TMEM260: variants seen among roughly 807,000 people sequenced by gnomAD.
The protein encoded by TMEM260 is protein O-mannosyl-transferase TMEM260.
In TMEM260, 82 loss-of-function variants were observed where a neutral mutation model predicts 88.9. That is an observed-to-expected ratio of 0.92 (90% confidence interval 0.77 to 1.11). The LOEUF (loss-of-function observed/expected upper bound fraction) is 1.11, where lower values mean the gene tolerates loss of function less well. Ranked by LOEUF, TMEM260 falls within the 50% of genes least tolerant of loss-of-function variation. The probability of loss-of-function intolerance (pLI) is 0.00; values close to 1 mark genes in which losing one functional copy is unlikely to be tolerated. For synonymous variants in TMEM260, 314 were observed against 309.3 expected (o/e 1.02, Z -0.16); for missense variants, 902 against 853.4 (o/e 1.06, Z -0.71).
rs200822110 is a variant in TMEM260, at chr14:56,585,849, T to C, written c.281T>C (p.Val94Ala). The C allele has an allele frequency of 5.6e-6, 9 of 1,613,772 alleles. No individual in the cohort carries two copies. In the Admixed American group the frequency reaches 1.2e-4, roughly 21 times the overall value. ...CCTTTTGGTTCAATTGCCTACCGCGTCAATCTTCTCTGTGGCTTATTTGGA... is the reference window on the plus strand; with the variant it reads ...CCTTTTGGTTCAATTGCCTACCGCGCCAATCTTCTCTGTGGCTTATTTGGA... ...LFPFGSIAYR[V>A]NLLCGLFGAV... is the part of the protein sequence containing the mutation. The change falls in exon 3 of 16, where the codon GTC becomes GCC. Residue 94 changes from valine to alanine, a missense_variant. Coordinates refer to ENST00000261556, the MANE Select transcript of TMEM260 (RefSeq NM_017799.4).
intron 3 of TMEM260, among the ~76,000 whole-genome samples, chr14:56,600,554 A>T (rs1246798648): frequency 6.6e-6 from 1 of 152,194 alleles, no homozygotes; most frequent in African/African-American, 2.4e-5. Flanking sequence ...GGAGATACAC[A>T]AATGGCCAAT....
chr14:56,659,985 T>C, the TMEM260 span, among the ~76,000 whole-genome samples: 1 of 152,194 alleles, frequency 6.6e-6, no homozygotes, highest in Non-Finnish European at 1.5e-5. Flanking sequence ...CAAAATATTT[T>C]ACCAAAGGTA....
chr14:56,618,508 T>C, intron 9 of TMEM260, 86 bp from the exon 10 acceptor site: 1 of 1,263,476 alleles, frequency 7.9e-7, no homozygotes, highest in Admixed American at 2.0e-5. Context: ...ACTAGGTGCA[T>C]GCAGCATATT....
At chr14:56,604,750 A>C (rs1207299438) in intron 4 of TMEM260, among the ~76,000 whole-genome samples, 1 of 152,188 alleles carries the variant, frequency 6.6e-6, no homozygotes, top group African/African-American at 2.4e-5. Flanking sequence ...GGACAACTGC[A>C]ATGGGGTTTT....
chr14:56,648,937 A>C lies in TMEM260; in HGVS notation c.*1440A>C, dbSNP rs1184084862. ...ATTTGCCCCTTGTCAGCTGCCAGTA[A>C]ATAAATCTCAAAGGGGGAAAAGCTG... On this transcript the variant is annotated 3_prime_UTR_variant, in exon 16 of 16. Transcript: ENST00000261556. 1 of 152,608 alleles carries C rather than the reference A, an allele frequency of 6.6e-6. No individual in the cohort carries two copies. The highest frequency in any genetic ancestry group is 1.5e-5 in the Non-Finnish European group (1 of 68,054). 9.5% of individuals were successfully genotyped at this position (152,608 alleles called of 1,614,324 possible). A position where few individuals can be genotyped will look rare whatever the true frequency, so the allele number is the denominator to read the frequency against.
At chr14:56,581,919 T>A (rs1885163629) in intron 1 of TMEM260, among the ~76,000 whole-genome samples, 1 of 152,230 alleles carries the variant, frequency 6.6e-6, no homozygotes, top group East Asian at 1.9e-4. Flanking sequence ...GATTATTGCC[T>A]TGCCTTTATT....
rs780189036 is a variant in TMEM260 at position 56,632,436 on chromosome 14, C to T, written c.1548-559C>T. 5.3e-5 allele frequency among the ~76,000 whole-genome samples: 8 copies of T among 152,100 alleles called. No individual in the cohort carries two copies. The East Asian group carries it at 5.8e-4, about 11-fold the overall frequency. On this transcript the variant is annotated intron_variant, in intron 12 of 15. Coordinates refer to ENST00000261556, the MANE Select transcript of TMEM260 (RefSeq NM_017799.4). ...ACTACTATCACTATGCTGCTGCCTC[C>T]GCTAATGCCACGATGTTGCCTGGCA...
the TMEM260 span, among the ~76,000 whole-genome samples, chr14:56,656,400 A>G: frequency 6.8e-6 from 1 of 146,050 alleles, no homozygotes; most frequent in Non-Finnish European, 1.5e-5. Context: ...GCCTGGGGCA[A>G]TATAGTGAGA....
chr14:56,605,634 ATG>A lies in TMEM260; in HGVS notation c.589_590del (p.Val197PhefsTer46), dbSNP rs1566543046. The A allele has an allele frequency of 6.3e-7, 1 of 1,596,536 alleles. No homozygotes were observed. Among genetic ancestry groups the A allele is most frequent in the Admixed American group, 1.8e-5 (1 of 57,120 alleles). On this transcript the variant is annotated frameshift_variant, in exon 5 of 16. Transcript: ENST00000261556. LOFTEE classifies it high-confidence loss of function. ...TGTAACCAGCACACAATAATACTCTATGTTTTGTGCATAATACCTTGGATTCT... is the reference window on the plus strand; with the variant it reads ...TGTAACCAGCACACAATAATACTCTATTTTGTGCATAATACCTTGGATTCT...
chr14:56,604,414 T>C (rs1886767765), intron 4 of TMEM260, among the ~76,000 whole-genome samples: 1 of 152,134 alleles, frequency 6.6e-6, no homozygotes, highest in Non-Finnish European at 1.5e-5. Flanking sequence ...AAAAGAAGAG[T>C]ATCAAATGTA....
intron 15 of TMEM260, among the ~76,000 whole-genome samples, chr14:56,644,288 G>A (rs1889806654): frequency 6.6e-6 from 1 of 152,122 alleles, no homozygotes; most frequent in South Asian, 2.1e-4. Flanking sequence ...AAAACAGCAT[G>A]GTACTGGTAC....
At chr14:56,593,538 C>G (rs188733524) in intron 3 of TMEM260, among the ~76,000 whole-genome samples, 52 of 151,910 alleles carry the variant, frequency 3.4e-4, no homozygotes, top group African/African-American at 1.2e-3. Flanking sequence ...ACAAAATGTA[C>G]TTAAATGACT....
chr14:56,619,841 T>G (rs1335075189), intron 10 of TMEM260, among the ~76,000 whole-genome samples: 3 of 152,226 alleles, frequency 2.0e-5, no homozygotes, highest in African/African-American at 7.2e-5. Context: ...TGCATGCGAA[T>G]GTTTATTACA....
the TMEM260 span, among the ~76,000 whole-genome samples, chr14:56,661,967 A>G: frequency 6.6e-6 from 1 of 152,136 alleles, no homozygotes; most frequent in Admixed American, 6.6e-5. Context: ...GACCTTCGGG[A>G]TTATAAGTTT....
chr14:56,591,170 A>AC (rs1885832687), intron 3 of TMEM260, among the ~76,000 whole-genome samples: 1 of 152,198 alleles, frequency 6.6e-6, no homozygotes, highest in South Asian at 2.1e-4. Context: ...TGCCACTGGA[A>AC]CTAGTCATCA....
intron 3 of TMEM260, among the ~76,000 whole-genome samples, chr14:56,602,294 CA>C (rs953843279): frequency 2.0e-5 from 3 of 152,118 alleles, no homozygotes; most frequent in African/African-American, 7.2e-5. Flanking sequence ...ACTTTAGATT[CA>C]GGGGTACAGA....
At chr14:56,606,809 C>T (rs1234732745) in intron 5 of TMEM260, among the ~76,000 whole-genome samples, 1 of 152,140 alleles carries the variant, frequency 6.6e-6, no homozygotes, top group East Asian at 1.9e-4. Context: ...GCAGGAGAAT[C>T]GCTTGAACCC....
In TMEM260 at chr14:56,642,098, A is replaced by G. The variant is rs569129286; in HGVS notation, c.1870-5145A>G. On this transcript the variant is annotated intron_variant, in intron 15 of 15. Coordinates refer to ENST00000261556, the MANE Select transcript of TMEM260 (RefSeq NM_017799.4). ...CCCACTGTCAACATTAGACAGATCC[A>G]TGAGACAGAAAGTTAACAAAGATAT... Among the ~76,000 whole-genome samples the G allele has an allele frequency of 2.0e-5, 3 of 152,342 alleles. No individual in the cohort carries two copies. The East Asian group carries it at 5.8e-4, about 29-fold the overall frequency.
intron 5 of TMEM260, among the ~76,000 whole-genome samples, chr14:56,607,206 A>C (rs996465691): frequency 1.3e-5 from 2 of 152,162 alleles, no homozygotes; most frequent in African/African-American, 4.8e-5. Context: ...GGGTGGATGG[A>C]TACATCTCCC....
Sources: gnomAD v4.1 joint callset for allele counts (sites outside exome capture counted in the v4.1 genomes callset) on GRCh38, gnomAD v4.1.1 for gene constraint, MANE v1.5 for transcripts, NCBI Gene and HGNC (gene_info 2026-07-23, HGNC 2026-07-21) for gene names.